SPATA45: variants seen among roughly 807,000 people sequenced by gnomAD.
SPATA45 encodes spermatogenesis-associated protein 45.
Under a neutral mutation model 7.0 loss-of-function variants are expected in SPATA45, and 5 were observed. That is an observed-to-expected ratio of 0.71 (90% confidence interval 0.37 to 1.50). The LOEUF (loss-of-function observed/expected upper bound fraction) is 1.50. Among genes scored for constraint, SPATA45 ranks in the 40% most tolerant of loss-of-function variants. SPATA45 has a pLI of 0.03. For synonymous variants in SPATA45, 40 were observed against 38.7 expected, an observed-to-expected ratio of 1.03 and a Z score of -0.13; for missense variants, 111 against 114.9, an observed-to-expected ratio of 0.97 and a Z score of 0.16.
At chr1:212,846,328 A>G (rs1407411535) in intron 1 of SPATA45, among the ~76,000 whole-genome samples, 6 of 152,108 alleles carry the variant, frequency 3.9e-5, no homozygotes, top group Non-Finnish European at 8.8e-5. Flanking sequence ...CGCTGCCTCA[A>G]CACTTCACCA....
In SPATA45 at chr1:212,841,508, T is replaced by C. The variant is rs932448012; in HGVS notation, c.-38-5321A>G. On this transcript the variant is annotated intron_variant, in intron 1 of 2. Coordinates refer to ENST00000332912, the MANE Select transcript of SPATA45 (RefSeq NM_001024601.3). Reference sequence around the variant, plus strand: ...TAGACTTTAGGTTGTTTTTGATTTATTTTTATAATAATGCTTTGAAACACA... The same window carrying C: ...TAGACTTTAGGTTGTTTTTGATTTACTTTTATAATAATGCTTTGAAACACA... Among the ~76,000 whole-genome samples, 8 of 152,230 alleles carry C rather than the reference T, an allele frequency of 5.3e-5. No individual in the cohort carries two copies. In the East Asian group the frequency reaches 1.2e-3, roughly 22 times the overall value.
chr1:212,845,886 TAAAC>T (rs1452346160), intron 1 of SPATA45, among the ~76,000 whole-genome samples: 1 of 152,208 alleles, frequency 6.6e-6, no homozygotes, highest in Non-Finnish European at 1.5e-5. Flanking sequence ...TCTATATTTT[TAAAC>T]AAACAGTGTT....
chr1:212,845,270 C>T (rs900614441), intron 1 of SPATA45, among the ~76,000 whole-genome samples: 3 of 152,184 alleles, frequency 2.0e-5, no homozygotes, highest in African/African-American at 7.2e-5. Flanking sequence ...GTTCAGGCCC[C>T]CTCCCTTCCC....
intron 1 of SPATA45, among the ~76,000 whole-genome samples, chr1:212,842,041 G>GT (rs1288727706): frequency 1.3e-5 from 2 of 151,724 alleles, no homozygotes; most frequent in Non-Finnish European, 2.9e-5. Flanking sequence ...GATTACAGGC[G>GT]TAAGTCATCA....
chr1:212,842,615 A>C (rs1446905182), intron 1 of SPATA45, among the ~76,000 whole-genome samples: 1 of 152,202 alleles, frequency 6.6e-6, no homozygotes, highest in Non-Finnish European at 1.5e-5. Flanking sequence ...CTGCCTCCTA[A>C]CTGTATGATC....
At chr1:212,843,659 G>C (rs1663735865) in intron 1 of SPATA45, among the ~76,000 whole-genome samples, 1 of 152,182 alleles carries the variant, frequency 6.6e-6, no homozygotes, top group Non-Finnish European at 1.5e-5. Flanking sequence ...TCTGAGCAAA[G>C]GGCCCTATGT....
rs1054734296 is a variant in SPATA45, at chr1:212,844,555, C to T, written c.-39+3025G>A. ...TGATGGCAGTTCCACCATGCCTAAT[C>T]GCCACTCACCAGCAAAGGCAGGCTA... On this transcript the variant is annotated intron_variant, in intron 1 of 2. Transcript: ENST00000332912. Among the ~76,000 whole-genome samples, 14 of 152,262 alleles carry T rather than the reference C, an allele frequency of 9.2e-5. No homozygotes were observed. The East Asian group carries it at 9.7e-4, about 10-fold the overall frequency.
intron 2 of SPATA45, among the ~76,000 whole-genome samples, chr1:212,831,366 G>A (rs1251263546): frequency 6.6e-6 from 1 of 150,706 alleles, no homozygotes; most frequent in Non-Finnish European, 1.5e-5. Context: ...AGCTACTCGG[G>A]AGGCTGAGAG....
chr1:212,843,100 T>C (rs61832057), intron 1 of SPATA45, among the ~76,000 whole-genome samples: 127 of 121,948 alleles, frequency 1.0e-3, no homozygotes, highest in African/African-American at 1.1e-3. Context: ...CCGTCAAACA[T>C]ACACACACAC....
At chr1:212,832,361 T>A (rs1347507770) in intron 2 of SPATA45, among the ~76,000 whole-genome samples, 1,095 of 44,600 alleles carry the variant, frequency 0.025, 34 homozygotes, top group Non-Finnish European at 0.047. Context: ...AATCTAAGCT[T>A]TTTTTTTTTT....
chr1:212,847,223 G>A (rs187399469), intron 1 of SPATA45, among the ~76,000 whole-genome samples: 40 of 152,248 alleles, frequency 2.6e-4, no homozygotes, highest in African/African-American at 9.4e-4. Flanking sequence ...TGCATATACA[G>A]TAGATCCTCA....
At chr1:212,843,028 C>T (rs1465341158) in intron 1 of SPATA45, among the ~76,000 whole-genome samples, 15 of 151,454 alleles carry the variant, frequency 9.9e-5, no homozygotes, top group Non-Finnish European at 1.6e-4. Context: ...ACCCAGGAGG[C>T]GGAGCTTGCA....
At chr1:212,841,669 C>T (rs1396208240) in intron 1 of SPATA45, among the ~76,000 whole-genome samples, 7 of 143,330 alleles carry the variant, frequency 4.9e-5, no homozygotes, top group Admixed American at 3.5e-4. Flanking sequence ...GAAGGAGTCT[C>T]GCTCTGTCGC....
intron 2 of SPATA45, among the ~76,000 whole-genome samples, chr1:212,833,930 TC>T (rs1037295811): frequency 3.3e-5 from 5 of 151,848 alleles, no homozygotes; most frequent in African/African-American, 1.2e-4. Context: ...CTAAGCTTAA[TC>T]ATTTCTAGCT....
chr1:212,838,552 A>C (rs984649948), intron 1 of SPATA45, among the ~76,000 whole-genome samples: 2 of 151,774 alleles, frequency 1.3e-5, no homozygotes, highest in African/African-American at 4.8e-5. Context: ...CATTTGATCC[A>C]TTCCTAGGTA....
intron 1 of SPATA45, among the ~76,000 whole-genome samples, chr1:212,841,308 C>G (rs558712186): frequency 1.3e-5 from 2 of 152,074 alleles, no homozygotes; most frequent in African/African-American, 4.8e-5. Context: ...ACCACAAGTG[C>G]GCACCACCAT....
At chr1:212,833,503 CA>C (rs35760900) in intron 2 of SPATA45, among the ~76,000 whole-genome samples, 29,843 of 108,650 alleles carry the variant, frequency 0.27, 3,824 homozygotes, top group Admixed American at 0.47. Flanking sequence ...TACTAAAATA[CA>C]AAAAAAAAAA....
chr1:212,836,333 T>C (rs1663584096), intron 1 of SPATA45, 146 bp from the exon 2 acceptor site: 1 of 629,764 alleles, frequency 1.6e-6, no homozygotes, highest in Admixed American at 3.2e-5. Flanking sequence ...TTCACTTTTT[T>C]ATTTACTTAT....
chr1:212,841,030 C>T (rs1419881542), intron 1 of SPATA45, among the ~76,000 whole-genome samples: 2 of 151,272 alleles, frequency 1.3e-5, no homozygotes, highest in East Asian at 2.0e-4. Context: ...AACCCTGACT[C>T]CCTGGTTTCA....
Sources: allele counts gnomAD v4.1 joint callset (sites outside exome capture counted in the v4.1 genomes callset), GRCh38; gene constraint gnomAD v4.1.1; transcripts MANE v1.5; gene names NCBI Gene and HGNC (gene_info 2026-07-23, HGNC 2026-07-21).